Variants in GRID2 observed in about 807,000 individuals in gnomAD.
The protein encoded by GRID2 is glutamate receptor ionotropic, delta-2.
A neutral mutation model predicts 114.8 loss-of-function variants in GRID2; 33 were observed. The observed-to-expected ratio is 0.29, with a 90% CI of 0.22 to 0.38. The LOEUF is 0.38. GRID2 is among the 10% of genes least tolerant of loss of function. The pLI, the probability that GRID2 is intolerant of heterozygous loss-of-function variation, is 1.00. For missense variants in GRID2, 1,184 were observed against 1,257.7 expected, an observed-to-expected ratio of 0.94 and a Z score of 0.89; for synonymous variants, 505 against 449.9, an observed-to-expected ratio of 1.12 and a Z score of -1.55.
intron 2 of GRID2, among the ~76,000 whole-genome samples, chr4:92,875,163 T>G (rs1017598814): frequency 2.8e-5 from 4 of 144,910 alleles, no homozygotes; most frequent in East Asian, 2.0e-4. Context: ...TTTTTTTTTT[T>G]TTTTTTTTTT....
intron 2 of GRID2, among the ~76,000 whole-genome samples, chr4:92,839,652 A>G (rs1353230194): frequency 6.6e-6 from 1 of 151,838 alleles, no homozygotes; most frequent in Admixed American, 6.6e-5. Context: ...CTTGATATTT[A>G]CTTCTATTTT....
At position 93,103,488 on chromosome 4, in the gene GRID2, T is replaced by A. The variant is rs562431263; in HGVS notation, c.530-7260T>A. Reference sequence around the variant, plus strand: ...TTTATGTGTTTGCTATCTTTTTATCTAAAATTTTCCTCTATTTTTAAACAA... The same window carrying A: ...TTTATGTGTTTGCTATCTTTTTATCAAAAATTTTCCTCTATTTTTAAACAA... On this transcript the variant is annotated intron_variant, in intron 3 of 15. Coordinates refer to ENST00000282020, the MANE Select transcript of GRID2 (RefSeq NM_001510.4). Among the ~76,000 whole-genome samples the A allele has an allele frequency of 9.2e-5, 14 of 152,254 alleles. 1 individual carries two copies. The South Asian group carries it at 2.7e-3, about 29-fold the overall frequency.
chr4:92,445,310 T>C (rs1179899324), intron 1 of GRID2, among the ~76,000 whole-genome samples: 2 of 152,198 alleles, frequency 1.3e-5, no homozygotes, highest in Admixed American at 6.5e-5. Context: ...ACAATTGAGA[T>C]GCATCATTCC....
At chr4:93,075,748 A>G (rs1017175709) in intron 2 of GRID2, among the ~76,000 whole-genome samples, 4 of 152,132 alleles carry the variant, frequency 2.6e-5, no homozygotes, top group African/African-American at 9.6e-5. Flanking sequence ...AAATTGACAA[A>G]GGTGCAAGAC....
At chr4:93,306,696 C>A (rs543267162) in intron 8 of GRID2, among the ~76,000 whole-genome samples, 5 of 152,152 alleles carry the variant, frequency 3.3e-5, no homozygotes, top group Non-Finnish European at 5.9e-5. Context: ...TATAGAGAAG[C>A]AGATTAATTG....
chr4:92,626,848 T>C (rs1345244271), intron 2 of GRID2, among the ~76,000 whole-genome samples: 1 of 151,886 alleles, frequency 6.6e-6, no homozygotes, highest in Non-Finnish European at 1.5e-5. Context: ...AAGTATAAAA[T>C]AGGTATGGTT....
At chr4:92,371,749 T>A (rs1729127400) in intron 1 of GRID2, among the ~76,000 whole-genome samples, 1 of 152,214 alleles carries the variant, frequency 6.6e-6, no homozygotes, top group Non-Finnish European at 1.5e-5. Flanking sequence ...GGAGTAATTT[T>A]AGTTTCAAGC....
chr4:92,635,490 G>GT (rs566854978), intron 2 of GRID2, among the ~76,000 whole-genome samples: 11 of 150,890 alleles, frequency 7.3e-5, no homozygotes, highest in Non-Finnish European at 1.2e-4. Context: ...TATTCGGAAA[G>GT]TTTTTTTTTC....
At chr4:92,709,589 A>AAAATATAT (rs779775767) in intron 2 of GRID2, among the ~76,000 whole-genome samples, 241 of 114,594 alleles carry the variant, frequency 2.1e-3, no homozygotes, top group South Asian at 4.2e-3. Flanking sequence ...AAAAAAAAAA[A>AAAATATAT]ATATATATAT....
intron 8 of GRID2, among the ~76,000 whole-genome samples, chr4:93,385,795 CA>C (rs1396399000): frequency 6.6e-6 from 1 of 151,842 alleles, no homozygotes; most frequent in Non-Finnish European, 1.5e-5. Context: ...ATTAACAAAC[CA>C]TTTCATTTTC....
intron 1 of GRID2, among the ~76,000 whole-genome samples, chr4:92,389,366 T>G (rs1375878831): frequency 1.3e-5 from 2 of 152,056 alleles, no homozygotes; most frequent in African/African-American, 4.8e-5. Flanking sequence ...TCTTGTCTGA[T>G]AGAAAATCAG....
intron 2 of GRID2, among the ~76,000 whole-genome samples, chr4:92,904,148 A>G (rs1747780164): frequency 6.6e-6 from 1 of 151,690 alleles, no homozygotes; most frequent in African/African-American, 2.4e-5. Context: ...CTTGGAATTT[A>G]ATAAAAGCAT....
intron 2 of GRID2, among the ~76,000 whole-genome samples, chr4:92,678,169 A>AT (rs1255661254): frequency 6.6e-6 from 1 of 151,938 alleles, no homozygotes; most frequent in Non-Finnish European, 1.5e-5. Context: ...TTCACTGAAT[A>AT]TTTTTTATTG....
chr4:93,323,030 C>T lies in GRID2; in HGVS notation c.1246-72577C>T, dbSNP rs530769839. ...ACTCTGATGGTAGTTTCTTTTGCTG[C>T]GCAGGAGCTCTTTAGTTTAATTAGA... On this transcript the variant is annotated intron_variant, in intron 8 of 15. Transcript: ENST00000282020. Among the ~76,000 whole-genome samples the T allele has an allele frequency of 2.7e-3, 414 of 152,088 alleles. 2 individuals carry two copies. Among genetic ancestry groups the T allele is most frequent in the African/African-American group, 8.4e-3 (348 of 41,526 alleles).
chr4:93,700,778 G>A (rs560810303), intron 14 of GRID2, among the ~76,000 whole-genome samples: 2 of 152,224 alleles, frequency 1.3e-5, no homozygotes, highest in East Asian at 3.9e-4. Context: ...ACAATGCAGT[G>A]GTGCCTGCTG....
At chr4:92,811,324 T>C (rs1226937598) in intron 2 of GRID2, among the ~76,000 whole-genome samples, 1 of 152,072 alleles carries the variant, frequency 6.6e-6, no homozygotes, top group Non-Finnish European at 1.5e-5. Flanking sequence ...AAAAGGAAAA[T>C]TCCGTGTTTT....
At chr4:92,445,215 G>A (rs552526650) in intron 1 of GRID2, among the ~76,000 whole-genome samples, 1 of 152,270 alleles carries the variant, frequency 6.6e-6, no homozygotes, top group African/African-American at 2.4e-5. Context: ...AGTAAAATTA[G>A]TCTAGCAAGT....
At chr4:93,751,577 C>T (rs1389043284) in intron 14 of GRID2, among the ~76,000 whole-genome samples, 1 of 152,144 alleles carries the variant, frequency 6.6e-6, no homozygotes, top group African/African-American at 2.4e-5. Context: ...GCTTCCTGTG[C>T]AGCTGTGAAT....
intron 11 of GRID2, among the ~76,000 whole-genome samples, chr4:93,463,785 C>T (rs577340421): frequency 6.6e-5 from 10 of 151,860 alleles, no homozygotes; most frequent in South Asian, 6.2e-4. Context: ...GTCAGGAGAT[C>T]GAGACCATCC....
Sources: allele counts gnomAD v4.1 joint callset (sites outside exome capture counted in the v4.1 genomes callset), GRCh38; gene constraint gnomAD v4.1.1; transcripts MANE v1.5; gene names NCBI Gene and HGNC (gene_info 2026-07-23, HGNC 2026-07-21).